GSE1: variants seen among roughly 807,000 people sequenced by gnomAD.
The protein encoded by GSE1 is genetic suppressor element 1.
A neutral mutation model predicts 112.6 loss-of-function variants in GSE1; 32 were observed. The observed-to-expected ratio is 0.28, with a 90% CI of 0.21 to 0.38. The LOEUF is 0.38. GSE1 is among the 10% of genes least tolerant of loss of function. GSE1 has a pLI of 1.00. For synonymous variants in GSE1, 1,115 were observed against 735.6 expected, an observed-to-expected ratio of 1.52 and a Z score of -8.35; for missense variants, 2,348 against 1,699.2, an observed-to-expected ratio of 1.38 and a Z score of -6.71.
chr16:85,386,532 G>T (rs924171008), intron 2 of GSE1, among the ~76,000 whole-genome samples: 1 of 152,218 alleles, frequency 6.6e-6, no homozygotes, highest in Non-Finnish European at 1.5e-5. Context: ...TGTGGTTATT[G>T]TCATCCTTCT....
intron 1 of GSE1, chr16:85,285,265 T>G (rs1261790115): frequency 6.6e-6 from 1 of 152,172 alleles, no homozygotes; most frequent in African/African-American, 2.4e-5. Context: ...TTGGTTAAAC[T>G]CACGAGAGTG....
At chr16:85,298,261 G>A (rs1013648083) in intron 1 of GSE1, among the ~76,000 whole-genome samples, 4 of 152,120 alleles carry the variant, frequency 2.6e-5, no homozygotes, top group African/African-American at 9.7e-5. Flanking sequence ...CCATCCCTCA[G>A]CTGCCTCCCT....
chr16:85,572,136 TACCACACACAACAC>T (rs2046013547), intron 1 of GSE1, among the ~76,000 whole-genome samples: 1 of 110,894 alleles, frequency 9.0e-6, no homozygotes, highest in Non-Finnish European at 1.8e-5. Context: ...ACACACCACA[TACCACACACAACAC>T]ACCACACACA....
At chr16:85,521,194 C>T (rs371905730) in intron 2 of GSE1, among the ~76,000 whole-genome samples, 6 of 152,154 alleles carry the variant, frequency 3.9e-5, no homozygotes, top group Non-Finnish European at 7.3e-5. Flanking sequence ...GATGTGGTCC[C>T]GGGGCAGGGT....
At chr16:85,326,071 T>C (rs2046221933) in intron 1 of GSE1, among the ~76,000 whole-genome samples, 1 of 152,118 alleles carries the variant, frequency 6.6e-6, no homozygotes, top group African/African-American at 2.4e-5. Flanking sequence ...AATACGTTCA[T>C]ATGAAAAATT....
intron 1 of GSE1, among the ~76,000 whole-genome samples, chr16:85,186,875 C>T (rs1022986537): frequency 7.2e-5 from 11 of 152,208 alleles, no homozygotes; most frequent in Admixed American, 6.5e-4. Context: ...CGATGGTTGC[C>T]ATGTATCGAT....
intron 8 of GSE1, among the ~76,000 whole-genome samples, chr16:85,660,511 C>T (rs1207540320): frequency 5.9e-5 from 9 of 152,114 alleles, no homozygotes; most frequent in Non-Finnish European, 7.4e-5. Context: ...TGGTGGCACA[C>T]GCCTGTAATC....
chr16:85,248,367 T>C (rs1478605153), intron 1 of GSE1, among the ~76,000 whole-genome samples: 2 of 152,098 alleles, frequency 1.3e-5, no homozygotes, highest in Non-Finnish European at 2.9e-5. Context: ...TCTCTCTCCT[T>C]TTGTCTATCT....
chr16:85,485,983 G>T (rs922307750), intron 2 of GSE1, among the ~76,000 whole-genome samples: 1 of 152,206 alleles, frequency 6.6e-6, no homozygotes, highest in Admixed American at 6.5e-5. Context: ...TAGGGGCCCT[G>T]TTCTGGCCCA....
At chr16:85,588,908 TGA>T (rs982617154) in intron 1 of GSE1, among the ~76,000 whole-genome samples, 8 of 152,006 alleles carry the variant, frequency 5.3e-5, no homozygotes, top group African/African-American at 1.9e-4. Flanking sequence ...TCTGGGGAAA[TGA>T]GAGTCCCCCC....
At chr16:85,516,798 CTT>C (rs71151300) in intron 2 of GSE1, among the ~76,000 whole-genome samples, 7 of 129,586 alleles carry the variant, frequency 5.4e-5, no homozygotes, top group Admixed American at 4.1e-4. Flanking sequence ...TGTCTTGGTT[CTT>C]TTTTTTTTTT....
intron 2 of GSE1, among the ~76,000 whole-genome samples, chr16:85,404,674 C>G (rs543416883): frequency 1.8e-5 from 1 of 56,492 alleles, no homozygotes; most frequent in Non-Finnish European, 3.1e-5. Flanking sequence ...CCTGGATAAT[C>G]CTCACTGTTA....
chr16:85,519,547 T>TTC (rs1477760028), intron 2 of GSE1, among the ~76,000 whole-genome samples: 1 of 8,254 alleles, frequency 1.2e-4, no homozygotes, highest in Admixed American at 1.4e-3. Context: ...TCATCACTAT[T>TTC]ACCACCATCA....
intron 2 of GSE1, among the ~76,000 whole-genome samples, chr16:85,379,840 C>A (rs2047507114): frequency 6.6e-6 from 1 of 152,210 alleles, no homozygotes; most frequent in African/African-American, 2.4e-5. Context: ...AGCTCCTGCT[C>A]CCTGGCCTAA....
intron 2 of GSE1, among the ~76,000 whole-genome samples, chr16:85,404,363 GC>G (rs1385145358): frequency 6.5e-5 from 3 of 45,942 alleles, no homozygotes; most frequent in African/African-American, 1.1e-4. Context: ...TACACTCAGG[GC>G]CCCCCTGGAT....
intron 1 of GSE1, among the ~76,000 whole-genome samples, chr16:85,352,674 C>T (rs1384689355): frequency 6.6e-6 from 1 of 152,208 alleles, no homozygotes; most frequent in African/African-American, 2.4e-5. Flanking sequence ...TGTTTGATTA[C>T]CTGGCTGAGA....
chr16:85,171,261 C>T (rs1422780189), exon 1 of GSE1: 19 of 985,490 alleles, frequency 1.9e-5, no homozygotes, highest in Non-Finnish European at 2.2e-5. Flanking sequence ...CTGCCCTCTC[C>T]GAGCTGCCGG....
chr16:85,390,477 C>T (rs977785072), intron 2 of GSE1, among the ~76,000 whole-genome samples: 7 of 152,180 alleles, frequency 4.6e-5, no homozygotes, highest in Non-Finnish European at 1.0e-4. Context: ...CGTGTCCCTC[C>T]ATATAACAAT....
intron 1 of GSE1, among the ~76,000 whole-genome samples, chr16:85,177,804 A>G (rs988818173): frequency 1.3e-5 from 2 of 152,098 alleles, no homozygotes; most frequent in Admixed American, 6.5e-5. Flanking sequence ...GGAGGATAAC[A>G]TGTTAGGGTC....
Sources: gnomAD v4.1 joint callset for allele counts (sites outside exome capture counted in the v4.1 genomes callset) on GRCh38, gnomAD v4.1.1 for gene constraint, MANE v1.5 for transcripts, NCBI Gene and HGNC (gene_info 2026-07-23, HGNC 2026-07-21) for gene names.